Variants in SYN2 observed in about 807,000 individuals in gnomAD.
SYN2 encodes synapsin-2.
A neutral mutation model predicts 50.9 loss-of-function variants in SYN2; 19 were observed. The ratio of observed to expected loss-of-function variants is 0.37; its 90% confidence interval spans 0.26 to 0.55. The LOEUF is 0.55. Ranked by LOEUF, SYN2 falls within the 20% of genes least tolerant of loss-of-function variation. The probability of loss-of-function intolerance (pLI) is 0.81; values close to 1 mark genes in which losing one functional copy is unlikely to be tolerated. For synonymous variants in SYN2, 255 were observed against 224.9 expected, an observed-to-expected ratio of 1.13 and a Z score of -1.20; for missense variants, 587 against 576.4, an observed-to-expected ratio of 1.02 and a Z score of -0.19.
At chr3:12,011,274 A>G (rs1693906808) in intron 1 of SYN2, among the ~76,000 whole-genome samples, 1 of 152,222 alleles carries the variant, frequency 6.6e-6, no homozygotes, top group South Asian at 2.1e-4. Context: ...ATTGTTACCT[A>G]ATTTTTTTTA....
intron 3 of SYN2, among the ~76,000 whole-genome samples, chr3:12,144,736 A>G (rs756979531): frequency 3.3e-5 from 5 of 152,194 alleles, no homozygotes; most frequent in Non-Finnish European, 5.9e-5. Context: ...GTACCATAAT[A>G]TTGGCCAGGC....
intron 1 of SYN2, among the ~76,000 whole-genome samples, chr3:12,130,787 G>A (rs2125209142): frequency 6.6e-6 from 1 of 152,280 alleles, no homozygotes; most frequent in African/African-American, 2.4e-5. Flanking sequence ...TTCTGATACA[G>A]AGGAGAAAAG....
intron 6 of SYN2, 78 bp downstream of exon 6, chr3:12,161,686 A>G (rs1056689604): frequency 1.4e-5 from 21 of 1,473,622 alleles, no homozygotes; most frequent in East Asian, 4.5e-5. Flanking sequence ...GTGAACTGCT[A>G]TTCTCCCTCT....
chr3:12,088,013 ACTT>A (rs778145032), intron 1 of SYN2, among the ~76,000 whole-genome samples: 3 of 152,190 alleles, frequency 2.0e-5, no homozygotes, highest in Non-Finnish European at 4.4e-5. Context: ...TTGAGCAATG[ACTT>A]CTTGGACAGG....
intron 1 of SYN2, among the ~76,000 whole-genome samples, chr3:12,071,901 G>T (rs1695361618): frequency 6.6e-6 from 1 of 152,180 alleles, no homozygotes; most frequent in African/African-American, 2.4e-5. Context: ...AACTTGCCTT[G>T]AGTTGGAAGT....
rs1693765883 is a variant in SYN2 at position 12,005,047 on chromosome 3, A to T, written c.377+119A>T. ...AGACCAATAAAAAGGAGGGTCCCCG[A>T]GGTCCCGCTGGGAGGAGGTGCGGGC... On this transcript the variant is annotated intron_variant, in intron 1 of 12. Coordinates refer to ENST00000621198, the MANE Select transcript of SYN2 (RefSeq NM_133625.6). 7.9e-6 allele frequency: 3 copies of T among 382,080 alleles called. No individual in the cohort carries two copies. The East Asian group carries it at 1.1e-4, about 15-fold the overall frequency. 23.7% of individuals were successfully genotyped at this position (382,080 alleles called of 1,614,324 possible).
intron 1 of SYN2, among the ~76,000 whole-genome samples, chr3:12,034,100 A>G (rs1456534344): frequency 1.3e-5 from 2 of 152,238 alleles, no homozygotes; most frequent in Admixed American, 6.5e-5. Flanking sequence ...TTTTTGAGGT[A>G]CTGCCAGACT....
chr3:12,177,235 C>T (rs1410496445), intron 10 of SYN2, among the ~76,000 whole-genome samples: 1 of 152,188 alleles, frequency 6.6e-6, no homozygotes, highest in African/African-American at 2.4e-5. Context: ...CTGAAACAAG[C>T]TTGTCTAACC....
At chr3:12,167,123 G>A in intron 7 of SYN2, 111 bp from the exon 8 acceptor site, 1 of 1,095,322 alleles carries the variant, frequency 9.1e-7, no homozygotes, top group South Asian at 1.4e-5. Context: ...GCTACTTGTG[G>A]GAGAAGCAGG....
At chr3:12,006,354 G>A (rs2618390) in intron 1 of SYN2, among the ~76,000 whole-genome samples, 16,248 of 152,226 alleles carry the variant, frequency 0.11, 1,128 homozygotes, top group African/African-American at 0.19. Context: ...GGGTAATGGG[G>A]AAAGTGTAAT....
chr3:12,177,725 A>G (rs1251414063), intron 10 of SYN2, among the ~76,000 whole-genome samples: 1 of 152,176 alleles, frequency 6.6e-6, no homozygotes, highest in Non-Finnish European at 1.5e-5. Flanking sequence ...CCCTTAACAG[A>G]CTATTAAGAG....
At chr3:12,071,197 G>A in intron 1 of SYN2, 2 of 551,154 alleles carry the variant, frequency 3.6e-6, no homozygotes, top group Admixed American at 1.9e-5. Flanking sequence ...CACTGCCCTG[G>A]CACCCAGCAC....
At chr3:12,173,733 G>T (rs758260977) in intron 10 of SYN2, among the ~76,000 whole-genome samples, 1 of 151,986 alleles carries the variant, frequency 6.6e-6, no homozygotes, top group Non-Finnish European at 1.5e-5. Flanking sequence ...GGCCAATATG[G>T]TGAAACCCCG....
intron 1 of SYN2, among the ~76,000 whole-genome samples, chr3:12,030,444 GA>G (rs1694358425): frequency 7.1e-6 from 1 of 141,128 alleles, no homozygotes; most frequent in East Asian, 2.2e-4. Flanking sequence ...AATAGTTTCA[GA>G]AGGAATGGTA....
intron 1 of SYN2, among the ~76,000 whole-genome samples, chr3:12,017,216 G>A (rs1458049396): frequency 2.0e-5 from 3 of 152,130 alleles, no homozygotes; most frequent in East Asian, 3.8e-4. Context: ...AGGGAAAAGA[G>A]GGAAAGGCTT....
intron 11 of SYN2, chr3:12,185,100 C>T (rs1438254694): frequency 1.0e-6 from 1 of 985,532 alleles, no homozygotes; most frequent in Non-Finnish European, 1.2e-6. Context: ...ATCTGTAATC[C>T]CTCCCTCAGC....
At chr3:12,095,036 A>T (rs1448055171) in intron 1 of SYN2, among the ~76,000 whole-genome samples, 2 of 152,154 alleles carry the variant, frequency 1.3e-5, no homozygotes, top group African/African-American at 4.8e-5. Flanking sequence ...AGAAAAGGCA[A>T]AGTAAGATGG....
intron 1 of SYN2, among the ~76,000 whole-genome samples, chr3:12,102,037 A>G (rs6772551): frequency 0.037 from 5,610 of 152,266 alleles, 367 homozygotes; most frequent in African/African-American, 0.13. Context: ...ATGAGAAATC[A>G]TGTATGATTG....
intron 1 of SYN2, among the ~76,000 whole-genome samples, chr3:12,062,827 G>A (rs544960809): frequency 6.6e-6 from 1 of 152,130 alleles, no homozygotes; most frequent in African/African-American, 2.4e-5. Context: ...AAAACTGGAA[G>A]CAACCAAGAT....
Sources: gnomAD v4.1 joint callset for allele counts (sites outside exome capture counted in the v4.1 genomes callset) on GRCh38, gnomAD v4.1.1 for gene constraint, MANE v1.5 for transcripts, NCBI Gene and HGNC (gene_info 2026-07-23, HGNC 2026-07-21) for gene names.